Variants in CDH4 observed in about 807,000 individuals in gnomAD.
The protein encoded by CDH4 is cadherin-4.
In CDH4, 33 loss-of-function variants were observed where a neutral mutation model predicts 86.0. That is an observed-to-expected ratio of 0.38 (90% CI 0.29 to 0.51). The LOEUF is 0.51. CDH4 is among the 20% of genes least tolerant of loss of function. The pLI is 0.86. For synonymous variants in CDH4, 555 were observed against 549.4 expected, an observed-to-expected ratio of 1.01 and a Z score of -0.14; for missense variants, 1,114 against 1,307.4, an observed-to-expected ratio of 0.85 and a Z score of 2.28.
chr20:61,430,117 T>C (rs968254088), intron 2 of CDH4, among the ~76,000 whole-genome samples: 1 of 152,218 alleles, frequency 6.6e-6, no homozygotes, highest in Non-Finnish European at 1.5e-5. Flanking sequence ...TACTTATCTG[T>C]GGACCACAAC....
intron 2 of CDH4, among the ~76,000 whole-genome samples, chr20:61,613,505 A>G (rs1301577190): frequency 6.6e-6 from 1 of 151,018 alleles, no homozygotes; most frequent in East Asian, 1.9e-4. Flanking sequence ...TATCACCTCC[A>G]CAGTGGTGTT....
rs6061800 is a variant in CDH4, at chr20:61,756,051, G to A, written c.396+12262G>A. On this transcript the variant is annotated intron_variant, in intron 3 of 15. Coordinates refer to ENST00000614565, the MANE Select transcript of CDH4 (RefSeq NM_001794.5). ...ACGTTCCCACTGCAGGGCAGGCTGC[G>A]CCACTGTGTCCACTGTGGGCCGAGC... Among the ~76,000 whole-genome samples, 247 of 152,316 alleles carry A rather than the reference G, an allele frequency of 1.6e-3. 3 individuals are homozygous for A. Among genetic ancestry groups the A allele is most frequent in the African/African-American group, 5.7e-3 (235 of 41,564 alleles).
intron 2 of CDH4, among the ~76,000 whole-genome samples, chr20:61,343,011 C>T (rs2084657135): frequency 6.6e-6 from 1 of 152,202 alleles, no homozygotes; most frequent in African/African-American, 2.4e-5. Flanking sequence ...CGGCCCAATG[C>T]TCTCAAATAG....
intron 2 of CDH4, among the ~76,000 whole-genome samples, chr20:61,697,666 CCCAGCAGG>C (rs2087729438): frequency 6.6e-6 from 1 of 152,124 alleles, no homozygotes; most frequent in Non-Finnish European, 1.5e-5. Context: ...TGTTCCAGAA[CCCAGCAGG>C]GTTCCCGACT....
chr20:61,610,931 GTGGA>G (rs1180503211), intron 2 of CDH4, among the ~76,000 whole-genome samples: 1 of 151,034 alleles, frequency 6.6e-6, no homozygotes, highest in Non-Finnish European at 1.5e-5. Context: ...CTGGAGCTGT[GTGGA>G]AATGCTGGCC....
At chr20:61,838,421 A>G (rs181695254) in intron 4 of CDH4, among the ~76,000 whole-genome samples, 1 of 152,288 alleles carries the variant, frequency 6.6e-6, no homozygotes, top group East Asian at 1.9e-4. Context: ...AAGCTCAAGC[A>G]GGAGCACTGG....
intron 3 of CDH4, among the ~76,000 whole-genome samples, chr20:61,752,928 G>A (rs1372640353): frequency 6.6e-6 from 1 of 152,196 alleles, no homozygotes; most frequent in Non-Finnish European, 1.5e-5. Flanking sequence ...GGAGTCTTGT[G>A]GCAAGACAGG....
intron 9 of CDH4, among the ~76,000 whole-genome samples, chr20:61,912,787 G>T (rs1435399505): frequency 6.6e-6 from 1 of 152,262 alleles, no homozygotes; most frequent in Non-Finnish European, 1.5e-5. Flanking sequence ...GGCAAAGTCA[G>T]ATCTGTGTGC....
At chr20:61,304,246 T>A (rs1465475563) in intron 2 of CDH4, among the ~76,000 whole-genome samples, 2 of 141,222 alleles carry the variant, frequency 1.4e-5, no homozygotes. Context: ...CATTTTGGAT[T>A]GAAGATAGTG....
chr20:61,337,522 A>C (rs2084626252), intron 2 of CDH4, among the ~76,000 whole-genome samples: 1 of 151,832 alleles, frequency 6.6e-6, no homozygotes, highest in Non-Finnish European at 1.5e-5. Flanking sequence ...GATGAAAGGG[A>C]AGATGAGGGA....
chr20:61,828,651 G>GC (rs1456151068), intron 4 of CDH4, among the ~76,000 whole-genome samples: 1 of 152,194 alleles, frequency 6.6e-6, no homozygotes, highest in African/African-American at 2.4e-5. Context: ...TTTGCTGATG[G>GC]CCTCCCTGTG....
intron 2 of CDH4, among the ~76,000 whole-genome samples, chr20:61,609,473 G>A (rs2086668849): frequency 1.3e-5 from 2 of 152,166 alleles, no homozygotes; most frequent in African/African-American, 4.8e-5. Context: ...TGTTTATAGA[G>A]TACTTTCGGC....
rs1438794850 is a variant in CDH4 at position 61,743,632 on chromosome 20, G to A, written c.239G>A (p.Gly80Glu). ...ACCAACAGCATGGACTTCAAAGTTG[G>A]GGCAGATGGGACAGTCTTCGCCACC... ...YETNSMDFKVGADGTVFATRE... is the reference protein window; with the variant it reads ...YETNSMDFKVEADGTVFATRE... The change falls in exon 3 of 16, where the codon GGG (glycine) becomes GAG (glutamate). Residue 80 changes from glycine (G) to glutamate (E), a missense_variant. By Grantham distance (98) the Gly-to-Glu change is moderately conservative. Transcript: ENST00000614565. 6.3e-7 allele frequency: 1 copy of A among 1,591,616 alleles called. No individual in the cohort carries two copies.
intron 2 of CDH4, among the ~76,000 whole-genome samples, chr20:61,596,438 C>T (rs1353007312): frequency 6.6e-6 from 1 of 152,160 alleles, no homozygotes; most frequent in Admixed American, 6.5e-5. Context: ...GAGAGGCCCC[C>T]TGCACACTGC....
At chr20:61,535,853 C>T (rs2085993282) in intron 2 of CDH4, among the ~76,000 whole-genome samples, 1 of 152,198 alleles carries the variant, frequency 6.6e-6, no homozygotes, top group South Asian at 2.1e-4. Context: ...CCCCCTGTTC[C>T]CGCTCCTGCC....
At position 61,501,565 on chromosome 20, in the gene CDH4, T is replaced by C. The variant is rs1473341168; in HGVS notation, c.170-241998T>C. Among the ~76,000 whole-genome samples, 1 of 152,168 alleles carries C rather than the reference T, an allele frequency of 6.6e-6. No homozygotes were observed. The highest frequency in any genetic ancestry group is 2.4e-5 in the African/African-American group (1 of 41,448). On this transcript the variant is annotated intron_variant, in intron 2 of 15. Coordinates refer to ENST00000614565, the MANE Select transcript of CDH4 (RefSeq NM_001794.5). The surrounding 1 kb of genome is among the most constrained non-coding windows in gnomAD (Gnocchi z 4.2). Reference sequence around the variant, plus strand: ...TCATCCTTGCTGAATCTCAGAACCTTTGGGCCTGCATCTCTGCGGCCCGGA... The same window carrying C: ...TCATCCTTGCTGAATCTCAGAACCTCTGGGCCTGCATCTCTGCGGCCCGGA...
chr20:61,491,101 A>G (rs562705783), intron 2 of CDH4, among the ~76,000 whole-genome samples: 141 of 152,378 alleles, frequency 9.3e-4, no homozygotes, highest in African/African-American at 3.2e-3. Flanking sequence ...AACATTTGGC[A>G]TATGGTATAG....
intron 2 of CDH4, among the ~76,000 whole-genome samples, chr20:61,674,990 G>A (rs117666365): frequency 4.6e-5 from 7 of 152,200 alleles, no homozygotes; most frequent in Non-Finnish European, 1.5e-5. Context: ...AGACATTGTG[G>A]CCCACCCACC....
chr20:61,735,555 G>A (rs1026338298), intron 2 of CDH4, among the ~76,000 whole-genome samples: 3 of 152,146 alleles, frequency 2.0e-5, no homozygotes, highest in Non-Finnish European at 2.9e-5. Context: ...GGAAACCTGG[G>A]GGGCCACAGG....
Sources: gnomAD v4.1 joint callset for allele counts (sites outside exome capture counted in the v4.1 genomes callset) on GRCh38, gnomAD v4.1.1 for gene constraint, Gnocchi (gnomAD v3.1) non-coding constraint, MANE v1.5 for transcripts, NCBI Gene and HGNC (gene_info 2026-07-23, HGNC 2026-07-21) for gene names.